ERBIN: variants seen among roughly 807,000 people sequenced by gnomAD.
ERBIN encodes the protein densin-180-like protein.
Under a neutral mutation model 158.4 loss-of-function variants are expected in ERBIN, and 60 were observed. The ratio of observed to expected loss-of-function variants is 0.38; its 90% confidence interval spans 0.31 to 0.47. The LOEUF is 0.47. Ranked by LOEUF, ERBIN falls within the 20% of genes least tolerant of loss-of-function variation. ERBIN has a pLI of 0.99. For missense variants in ERBIN, 1,610 were observed against 1,648.0 expected (o/e 0.98, Z 0.40); for synonymous variants, 594 against 557.2 (o/e 1.07, Z -0.93).
chr5:65,994,058 A>G (rs1244830596), intron 3 of ERBIN, among the ~76,000 whole-genome samples: 2 of 152,172 alleles, frequency 1.3e-5, no homozygotes, highest in Non-Finnish European at 2.9e-5. Flanking sequence ...TTTGAAAGCC[A>G]CTGCTATCCT....
chr5:66,025,973 C>T lies in ERBIN; in HGVS notation c.1016C>T (p.Pro339Leu), dbSNP rs771271846. ...CATAATTACTTACAGCAGTTGCCCCCAGAGGTAATGTATTTTAGATTTGTT... is the reference window on the plus strand; with the variant it reads ...CATAATTACTTACAGCAGTTGCCCCTAGAGGTAATGTATTTTAGATTTGTT... ...ADHNYLQQLP[P>L]EIGSWKNITV... Residue 339 changes from proline to leucine, a missense_variant, in exon 12 of 26, where the codon CCA becomes CTA. Transcript: ENST00000284037. 7.6e-6 allele frequency: 12 copies of T among 1,579,108 alleles called. No homozygotes were observed.
chr5:65,934,647 TA>T (rs1743862765), intron 1 of ERBIN, among the ~76,000 whole-genome samples: 1 of 152,190 alleles, frequency 6.6e-6, no homozygotes, highest in African/African-American at 2.4e-5. Context: ...CCTATTATGG[TA>T]TTCACTTTAT....
intron 21 of ERBIN, among the ~76,000 whole-genome samples, chr5:66,071,093 C>T (rs1580541459): frequency 6.6e-6 from 1 of 152,246 alleles, no homozygotes; most frequent in African/African-American, 2.4e-5. Flanking sequence ...GTGGTTCACA[C>T]CTGTAATCCC....
intron 24 of ERBIN, 111 bp downstream of exon 24, chr5:66,076,519 C>A: frequency 1.2e-6 from 1 of 835,822 alleles, no homozygotes; most frequent in Non-Finnish European, 1.9e-6. Flanking sequence ...AGGTAGACAT[C>A]ACCTGGATTC....
chr5:66,058,807 T>G (rs1347720924), intron 21 of ERBIN, among the ~76,000 whole-genome samples: 7 of 151,674 alleles, frequency 4.6e-5, no homozygotes, highest in East Asian at 1.9e-4. Context: ...TTTCCCCATT[T>G]CTTGTTTTTG....
intron 1 of ERBIN, 89 bp from the exon 2 acceptor site, chr5:65,988,546 A>G (rs897037158): frequency 1.3e-5 from 2 of 152,214 alleles, no homozygotes; most frequent in African/African-American, 4.8e-5. Flanking sequence ...TTTAACTTTT[A>G]TATAAATTAG....
chr5:66,063,469 C>T (rs1397757171), intron 21 of ERBIN, among the ~76,000 whole-genome samples: 1 of 152,148 alleles, frequency 6.6e-6, no homozygotes, highest in African/African-American at 2.4e-5. Flanking sequence ...AAGGGAATTC[C>T]TTGACCCCTT....
At chr5:65,927,663 TA>T (rs1206941383) in intron 1 of ERBIN, among the ~76,000 whole-genome samples, 18 of 152,236 alleles carry the variant, frequency 1.2e-4, no homozygotes, top group Admixed American at 3.9e-4. Flanking sequence ...GTGATTGTGA[TA>T]AAAAGCTGTG....
At chr5:65,947,484 A>T (rs1036639222) in intron 1 of ERBIN, among the ~76,000 whole-genome samples, 8 of 152,194 alleles carry the variant, frequency 5.3e-5, no homozygotes, top group Admixed American at 6.5e-5. Context: ...CTCCTTACAG[A>T]TGAGATTTGA....
At chr5:65,972,984 T>G (rs1234959565) in intron 1 of ERBIN, among the ~76,000 whole-genome samples, 1 of 151,344 alleles carries the variant, frequency 6.6e-6, no homozygotes, top group Admixed American at 6.6e-5. Flanking sequence ...TTTCTGTTCC[T>G]TCTGTTCAGT....
chr5:66,018,879 C>A (rs997213282), intron 7 of ERBIN, among the ~76,000 whole-genome samples: 54 of 151,856 alleles, frequency 3.6e-4, no homozygotes, highest in Admixed American at 3.2e-3. Flanking sequence ...TCATGATGCG[C>A]CTGCCTTGGC....
At chr5:65,941,787 C>T (rs1445289327) in intron 1 of ERBIN, among the ~76,000 whole-genome samples, 1 of 151,966 alleles carries the variant, frequency 6.6e-6, no homozygotes, top group Non-Finnish European at 1.5e-5. Flanking sequence ...GTCGCCCAGG[C>T]TGGAGTGCAG....
In ERBIN at chr5:66,053,808, C is replaced by T; in HGVS notation, c.2490C>T (p.Ser830=). 1 of 1,613,898 alleles carries T rather than the reference C, an allele frequency of 6.2e-7. No homozygotes were observed. Among genetic ancestry groups the T allele is most frequent in the Non-Finnish European group, 8.5e-7 (1 of 1,179,978 alleles). Residue 830 remains serine (S), a synonymous_variant, in exon 21 of 26, where the codon TCC becomes TCT. Coordinates refer to ENST00000284037, the MANE Select transcript of ERBIN (RefSeq NM_001253697.2). ...TAAATGGACATTCTGAGGAAACTTC[C>T]CAGTCTCCTAATAGGACTGAACCAC... ...NKVNGHSEET[S]QSPNRTEPHD...
chr5:66,049,150 G>A (rs932373108), intron 19 of ERBIN, among the ~76,000 whole-genome samples: 3 of 152,038 alleles, frequency 2.0e-5, no homozygotes, highest in African/African-American at 7.2e-5. Flanking sequence ...GCTAGATAAT[G>A]TATCTTTTAG....
At chr5:65,943,526 C>T (rs1745329986) in intron 1 of ERBIN, among the ~76,000 whole-genome samples, 2 of 152,054 alleles carry the variant, frequency 1.3e-5, no homozygotes, top group South Asian at 4.1e-4. Flanking sequence ...AGAAGCTCTC[C>T]CATCATTACT....
At chr5:65,952,871 G>C (rs1746677404) in intron 1 of ERBIN, among the ~76,000 whole-genome samples, 1 of 152,058 alleles carries the variant, frequency 6.6e-6, no homozygotes, top group Non-Finnish European at 1.5e-5. Flanking sequence ...AACTTTTGTG[G>C]GTCTAGGAAC....
At chr5:66,003,923 CTT>C (rs35063438) in intron 4 of ERBIN, among the ~76,000 whole-genome samples, 3,224 of 62,758 alleles carry the variant, frequency 0.051, 42 homozygotes, top group African/African-American at 0.13. Context: ...GAGCAGCAGT[CTT>C]TTTTTTTTTT....
chr5:65,979,115 C>T (rs1389948227), intron 1 of ERBIN, among the ~76,000 whole-genome samples: 2 of 152,054 alleles, frequency 1.3e-5, no homozygotes, highest in African/African-American at 4.8e-5. Flanking sequence ...CCTTGCACTC[C>T]CTGGGAAATA....
Position 65,995,580 on chromosome 5 carries a change from A to C in ERBIN, c.307+716A>C, listed in dbSNP as rs547797841. On this transcript the variant is annotated intron_variant, in intron 4 of 25. Transcript: ENST00000284037. The stretch of plus-strand genomic sequence containing the variant: ...CTTGGCTATTGTGAATAGTGCTGTA[A>C]TGAACATGGGAGTGTAAATATTTCT... Among the ~76,000 whole-genome samples, 11 of 152,300 alleles carry C rather than the reference A, an allele frequency of 7.2e-5. No individual in the cohort carries two copies. In the East Asian group the frequency reaches 1.9e-3, roughly 27 times the overall value.
Sources: allele counts gnomAD v4.1 joint callset (sites outside exome capture counted in the v4.1 genomes callset), GRCh38; gene constraint gnomAD v4.1.1; transcripts MANE v1.5; gene names NCBI Gene and HGNC (gene_info 2026-07-23, HGNC 2026-07-21).